The following TRAPPC9 variants were observed in gnomAD, a reference collection of about 807,000 sequenced individuals.
The protein encoded by TRAPPC9 is trafficking protein particle complex subunit 9, also known as IKK2 binding protein.
A neutral mutation model predicts 124.0 loss-of-function variants in TRAPPC9; 83 were observed. That is an observed-to-expected ratio of 0.67 (90% confidence interval 0.56 to 0.80). The LOEUF (loss-of-function observed/expected upper bound fraction) is 0.80. TRAPPC9 is among the 30% of genes least tolerant of loss of function. The pLI is 0.00. For missense variants in TRAPPC9, 1,302 were observed against 1,508.3 expected, an observed-to-expected ratio of 0.86 and a Z score of 2.27; for synonymous variants, 638 against 617.5, an observed-to-expected ratio of 1.03 and a Z score of -0.49.
intron 20 of TRAPPC9, among the ~76,000 whole-genome samples, chr8:139,896,098 A>T (rs1423668218): frequency 3.3e-5 from 5 of 152,200 alleles, no homozygotes; most frequent in Non-Finnish European, 7.4e-5. Flanking sequence ...TAAGCTAATA[A>T]AGCTAATTAC....
chr8:140,046,259 T>C (rs1028959702), intron 17 of TRAPPC9, among the ~76,000 whole-genome samples: 9 of 152,278 alleles, frequency 5.9e-5, no homozygotes, highest in African/African-American at 2.2e-4. Flanking sequence ...GTCCCAGGTC[T>C]TCGCCGACGG....
intron 17 of TRAPPC9, among the ~76,000 whole-genome samples, chr8:140,133,846 A>T (rs1163593191): frequency 6.6e-6 from 1 of 152,156 alleles, no homozygotes; most frequent in African/African-American, 2.4e-5. Flanking sequence ...TTAACCAAAG[A>T]GGTAAAAGAC....
chr8:139,979,671 G>A (rs1458499369), intron 19 of TRAPPC9, among the ~76,000 whole-genome samples: 1 of 152,120 alleles, frequency 6.6e-6, no homozygotes, highest in Non-Finnish European at 1.5e-5. Flanking sequence ...AATCTGAGGT[G>A]GAAAACAACA....
intron 5 of TRAPPC9, among the ~76,000 whole-genome samples, chr8:140,425,826 T>C (rs573290723): frequency 1.3e-5 from 2 of 152,306 alleles, no homozygotes; most frequent in African/African-American, 4.8e-5. Context: ...AAACCAAAAC[T>C]AAGCATTTGT....
intron 18 of TRAPPC9, among the ~76,000 whole-genome samples, chr8:139,991,117 C>T (rs1310374726): frequency 6.6e-6 from 1 of 152,212 alleles, no homozygotes; most frequent in African/African-American, 2.4e-5. Flanking sequence ...GTTGTCATAA[C>T]TTCATGAAAT....
At chr8:140,268,108 G>GCTAA (rs2064746016) in intron 15 of TRAPPC9, among the ~76,000 whole-genome samples, 1 of 138,396 alleles carries the variant, frequency 7.2e-6, no homozygotes, top group East Asian at 1.9e-4. Flanking sequence ...AGTTAAAGAA[G>GCTAA]CTAAGCTCAA....
chr8:140,408,239 G>T (rs998571033), intron 5 of TRAPPC9, among the ~76,000 whole-genome samples: 1 of 152,246 alleles, frequency 6.6e-6, no homozygotes, highest in East Asian at 1.9e-4. Flanking sequence ...CTAAGACCCA[G>T]ATGGGAGGAG....
chr8:140,085,731 C>A (rs1844144843), intron 17 of TRAPPC9, among the ~76,000 whole-genome samples: 1 of 152,226 alleles, frequency 6.6e-6, no homozygotes, highest in African/African-American at 2.4e-5. Flanking sequence ...TCCACGCCAC[C>A]CTGCCCCTAC....
chr8:140,168,392 C>A (rs1351377666), intron 17 of TRAPPC9, among the ~76,000 whole-genome samples: 1 of 152,192 alleles, frequency 6.6e-6, no homozygotes, highest in Non-Finnish European at 1.5e-5. Flanking sequence ...AAACCCTATA[C>A]CCATTTAGCA....
In TRAPPC9 at chr8:140,002,173, AT is replaced by A. The variant is rs200256840; in HGVS notation, c.2700-13338del. Among the ~76,000 whole-genome samples the A allele has an allele frequency of 2.8e-4, 43 of 152,080 alleles. 1 individual carries two copies. The East Asian group carries it at 7.9e-3, about 28-fold the overall frequency. On this transcript the variant is annotated intron_variant, in intron 18 of 22. Coordinates refer to ENST00000438773, the MANE Select transcript of TRAPPC9 (RefSeq NM_001160372.4). ...CCTTCATACCAATAATACTCAACAA[AT>A]TTTTTGATACCAAAAAAAGCATCTG...
intron 17 of TRAPPC9, among the ~76,000 whole-genome samples, chr8:140,123,506 C>A (rs1403456414): frequency 6.6e-6 from 1 of 152,172 alleles, no homozygotes; most frequent in Non-Finnish European, 1.5e-5. Context: ...CCCGGCCACA[C>A]CCACTCTGCC....
intron 20 of TRAPPC9, 83 bp from the exon 21 acceptor site, chr8:139,886,052 A>G: frequency 5.3e-6 from 7 of 1,331,138 alleles, no homozygotes; most frequent in Non-Finnish European, 7.4e-6. Context: ...AGAGACCCTC[A>G]GATGGGAAAC....
chr8:140,275,531 T>G, intron 15 of TRAPPC9, 127 bp downstream of exon 15: 4 of 1,087,130 alleles, frequency 3.7e-6, no homozygotes, highest in Non-Finnish European at 5.6e-6. Flanking sequence ...CTCGCCTGAC[T>G]TCTACTGACT....
At chr8:140,078,062 C>T (rs936824822) in intron 17 of TRAPPC9, among the ~76,000 whole-genome samples, 2 of 152,200 alleles carry the variant, frequency 1.3e-5, no homozygotes. Context: ...TCAAAGCATG[C>T]AGTTCATCTC....
intron 21 of TRAPPC9, among the ~76,000 whole-genome samples, chr8:139,796,067 GAGGAGGAGGAAGAGGAGA>G (rs1357159545): frequency 4.9e-4 from 61 of 124,880 alleles, no homozygotes; most frequent in Non-Finnish European, 6.8e-4. Context: ...AGAGGAAGAA[GAGGAGGAGGAAGAGGAGA>G]AGGAGGAGGA....
chr8:139,915,507 A>C (rs1832066085), intron 19 of TRAPPC9, among the ~76,000 whole-genome samples: 1 of 152,202 alleles, frequency 6.6e-6, no homozygotes, highest in East Asian at 1.9e-4. Flanking sequence ...TCGGCCTCCC[A>C]AAATACTGGG....
At chr8:140,029,883 T>C (rs899677241) in intron 17 of TRAPPC9, among the ~76,000 whole-genome samples, 1 of 152,098 alleles carries the variant, frequency 6.6e-6, no homozygotes, top group African/African-American at 2.4e-5. Flanking sequence ...AATTTAAATG[T>C]AAAAAATATT....
At chr8:140,418,767 TAGATAGACAGAC>T (rs1277652348) in intron 5 of TRAPPC9, among the ~76,000 whole-genome samples, 3 of 143,318 alleles carry the variant, frequency 2.1e-5, no homozygotes, top group Non-Finnish European at 4.6e-5. Flanking sequence ...GATAGATAGA[TAGATAGACAGAC>T]AGACAGACAG....
chr8:140,072,549 AG>A (rs1563738810), intron 17 of TRAPPC9, among the ~76,000 whole-genome samples: 5 of 115,648 alleles, frequency 4.3e-5, no homozygotes, highest in East Asian at 2.7e-4. Context: ...AGGAGGAGGA[AG>A]AGGAGGAGGA....
Sources: gnomAD v4.1 joint callset for allele counts (sites outside exome capture counted in the v4.1 genomes callset) on GRCh38, gnomAD v4.1.1 for gene constraint, MANE v1.5 for transcripts, NCBI Gene and HGNC (gene_info 2026-07-23, HGNC 2026-07-21) for gene names.